EPB41L4A: variants seen among roughly 807,000 people sequenced by gnomAD.
EPB41L4A encodes band 4.1-like protein 4A.
In EPB41L4A, 100 loss-of-function variants were observed where a neutral mutation model predicts 108.6. The ratio of observed to expected loss-of-function variants is 0.92; its 90% CI spans 0.78 to 1.09. EPB41L4A has a LOEUF of 1.09. Ranked by LOEUF, EPB41L4A falls within the 50% of genes least tolerant of loss-of-function variation. EPB41L4A has a pLI of 0.00. For synonymous variants in EPB41L4A, 319 were observed against 289.0 expected, an observed-to-expected ratio of 1.10 and a Z score of -1.05; for missense variants, 1,030 against 842.7, an observed-to-expected ratio of 1.22 and a Z score of -2.75.
intron 15 of EPB41L4A, among the ~76,000 whole-genome samples, chr5:112,198,725 G>A (rs1025832122): frequency 2.6e-5 from 4 of 151,818 alleles, no homozygotes; most frequent in Admixed American, 2.6e-4. Context: ...TTTTCTTAAT[G>A]TTACCTTCCA....
chr5:112,316,821 T>A (rs12055369), intron 1 of EPB41L4A, among the ~76,000 whole-genome samples: 2 of 152,220 alleles, frequency 1.3e-5, no homozygotes, highest in South Asian at 2.1e-4. Context: ...CTACCTGGGC[T>A]GAAGAACCCA....
intron 4 of EPB41L4A, among the ~76,000 whole-genome samples, chr5:112,268,842 C>CAA (rs34983995): frequency 0.035 from 1,969 of 55,806 alleles, 181 homozygotes; most frequent in African/African-American, 0.12. Context: ...GACCTTCTCT[C>CAA]AAAAAAAAAA....
chr5:112,325,425 T>C (rs545580109), intron 1 of EPB41L4A, among the ~76,000 whole-genome samples: 2 of 147,004 alleles, frequency 1.4e-5, no homozygotes, highest in South Asian at 2.1e-4. Flanking sequence ...TGGGTGACAC[T>C]GCGAGACTCC....
intron 18 of EPB41L4A, among the ~76,000 whole-genome samples, chr5:112,174,847 CTTTA>C (rs1760780142): frequency 6.6e-6 from 1 of 152,068 alleles, no homozygotes. Flanking sequence ...TATAAAACAT[CTTTA>C]TTTAAGGAAT....
intron 6 of EPB41L4A, chr5:112,263,981 T>C (rs2150451134): frequency 6.6e-6 from 1 of 152,180 alleles, no homozygotes; most frequent in African/African-American, 2.4e-5. Context: ...CCCGGCTAAT[T>C]TTTGTATTTT....
At chr5:112,186,975 TAAGTCTC>T (rs921344584) in intron 17 of EPB41L4A, among the ~76,000 whole-genome samples, 3 of 152,258 alleles carry the variant, frequency 2.0e-5, no homozygotes, top group Admixed American at 2.0e-4. Context: ...TCTGACTTTT[TAAGTCTC>T]ATTTATTCTC....
Position 112,209,477 on chromosome 5 carries a change from C to G in EPB41L4A, c.1178+415G>C, listed in dbSNP as rs193144299. 2.4e-3 allele frequency among the ~76,000 whole-genome samples: 369 copies of G among 152,316 alleles called. 2 individuals carry two copies. The highest frequency in any genetic ancestry group is 8.5e-3 in the African/African-American group (354 of 41,558). On this transcript the variant is annotated intron_variant, in intron 13 of 22. Transcript: ENST00000261486. ...CTGAGGATCTGATGCCTCTAAATGC[C>G]ATAAACCCTCTTTCCAGGGCTACAG...
intron 7 of EPB41L4A, among the ~76,000 whole-genome samples, 200 bp from the exon 8 acceptor site, chr5:112,260,179 T>G (rs1181056752): frequency 6.6e-6 from 1 of 152,248 alleles, no homozygotes; most frequent in Non-Finnish European, 1.5e-5. Flanking sequence ...AAACTTTCTG[T>G]TGGCGTTCTT....
intron 1 of EPB41L4A, among the ~76,000 whole-genome samples, chr5:112,397,626 TATAA>T (rs1162621391): frequency 6.6e-6 from 1 of 152,174 alleles, no homozygotes; most frequent in Non-Finnish European, 1.5e-5. Context: ...AATCAAAAAA[TATAA>T]ATAAAACTTT....
chr5:112,373,398 T>G (rs1190012251), intron 1 of EPB41L4A, among the ~76,000 whole-genome samples: 1 of 152,242 alleles, frequency 6.6e-6, no homozygotes, highest in Non-Finnish European at 1.5e-5. Flanking sequence ...CTAGCTCCTC[T>G]GGTATGGTTT....
intron 1 of EPB41L4A, among the ~76,000 whole-genome samples, chr5:112,410,419 G>A (rs1762340952): frequency 1.3e-5 from 2 of 152,164 alleles, no homozygotes; most frequent in African/African-American, 4.8e-5. Context: ...CAGGGATTAG[G>A]AGGCCCTGCA....
chr5:112,375,019 T>C (rs1450760941), intron 1 of EPB41L4A, among the ~76,000 whole-genome samples: 1 of 152,168 alleles, frequency 6.6e-6, no homozygotes, highest in Non-Finnish European at 1.5e-5. Flanking sequence ...CTGGAAGGCT[T>C]TTTATGAATA....
chr5:112,388,997 AAATT>A (rs1180243076), intron 1 of EPB41L4A, among the ~76,000 whole-genome samples: 3 of 152,168 alleles, frequency 2.0e-5, no homozygotes, highest in African/African-American at 7.2e-5. Context: ...GTTGGTTCTT[AAATT>A]AATTTAATGA....
chr5:112,289,228 T>A lies in EPB41L4A; in HGVS notation c.205-8905A>T, dbSNP rs76496559. Among the ~76,000 whole-genome samples, 1,134 of 152,218 alleles carry A rather than the reference T, an allele frequency of 7.4e-3. 16 individuals carry two copies. Among genetic ancestry groups the A allele is most frequent in the African/African-American group, 0.025 (1,055 of 41,506 alleles). ...ATAATAAAGAGTCTCGTATGCATAA[T>A]AGAATTTGAATTTAAGCAGAATACT... On this transcript the variant is annotated intron_variant, in intron 2 of 22. Transcript: ENST00000261486.
intron 22 of EPB41L4A, among the ~76,000 whole-genome samples, chr5:112,166,382 G>A (rs568106780): frequency 6.6e-6 from 1 of 152,292 alleles, no homozygotes; most frequent in African/African-American, 2.4e-5. Context: ...GCTTCCCACA[G>A]CCTTTAAGTC....
intron 14 of EPB41L4A, 131 bp from the exon 15 acceptor site, chr5:112,204,619 CTT>C: frequency 1.9e-6 from 1 of 524,346 alleles, no homozygotes; most frequent in South Asian, 3.3e-5. Flanking sequence ...ACGTGGTTCT[CTT>C]TGCTGACAAG....
intron 6 of EPB41L4A, among the ~76,000 whole-genome samples, chr5:112,262,891 CAAATT>C (rs1244957982): frequency 6.6e-6 from 1 of 152,090 alleles, no homozygotes; most frequent in African/African-American, 2.4e-5. Context: ...TATAAGCACT[CAAATT>C]AAACACCATC....
intron 1 of EPB41L4A, among the ~76,000 whole-genome samples, chr5:112,337,136 A>G (rs986006353): frequency 6.6e-6 from 1 of 152,170 alleles, no homozygotes; most frequent in African/African-American, 2.4e-5. Context: ...TAATACTGAT[A>G]ATGCATGTGT....
At chr5:112,408,456 G>A (rs1315506167) in intron 1 of EPB41L4A, among the ~76,000 whole-genome samples, 2 of 151,970 alleles carry the variant, frequency 1.3e-5, no homozygotes, top group African/African-American at 2.4e-5. Context: ...TTAAACATCT[G>A]ATAAGGAACT....
Sources: gnomAD v4.1 joint callset for allele counts (sites outside exome capture counted in the v4.1 genomes callset) on GRCh38, gnomAD v4.1.1 for gene constraint, MANE v1.5 for transcripts, NCBI Gene and HGNC (gene_info 2026-07-23, HGNC 2026-07-21) for gene names.